The following KLF8 variants were observed in gnomAD, a reference collection of about 807,000 sequenced individuals.
The protein encoded by KLF8 is KLF transcription factor 8.
KLF8 carries 10 observed loss-of-function variants against 18.2 expected under a neutral mutation model. That is an observed-to-expected ratio of 0.55 (90% CI 0.34 to 0.93). The LOEUF is 0.93. Ranked by LOEUF, KLF8 falls within the 40% of genes least tolerant of loss-of-function variation. KLF8 has a pLI of 0.02. For synonymous variants in KLF8, 109 were observed against 97.3 expected (o/e 1.12, Z -0.71); for missense variants, 264 against 277.9 (o/e 0.95, Z 0.36).
the KLF8 span, among the ~76,000 whole-genome samples, chrX:55,947,030 C>A: frequency 1.8e-5 from 2 of 111,653 alleles, no homozygotes; most frequent in African/African-American, 6.5e-5. Flanking sequence ...GACTTTTACA[C>A]TGTTGGTGGG....
chrX:56,189,264 GA>G, the KLF8 span, among the ~76,000 whole-genome samples: 1 of 112,076 alleles, frequency 8.9e-6, no homozygotes, highest in African/African-American at 3.2e-5. Flanking sequence ...AAAAACACAT[GA>G]AAAAATGCTC....
chrX:56,135,757 G>T, the KLF8 span, among the ~76,000 whole-genome samples: 1 of 111,596 alleles, frequency 9.0e-6, no homozygotes, highest in Non-Finnish European at 1.9e-5. Flanking sequence ...TCAGCAACCT[G>T]CTACTGAATG....
chrX:56,081,294 T>C, the KLF8 span, among the ~76,000 whole-genome samples: 2 of 111,807 alleles, frequency 1.8e-5, no homozygotes, highest in African/African-American at 6.5e-5. Flanking sequence ...CTTTTGGTCT[T>C]TGATGATGGT....
chrX:56,072,204 A>G, the KLF8 span, among the ~76,000 whole-genome samples: 1 of 112,083 alleles, frequency 8.9e-6, no homozygotes, highest in East Asian at 2.8e-4. Context: ...TACCAGAGAA[A>G]TGTACCTCCT....
chrX:56,191,979 A>C, the KLF8 span, among the ~76,000 whole-genome samples: 1 of 111,533 alleles, frequency 9.0e-6, no homozygotes, highest in Non-Finnish European at 1.9e-5. Context: ...TAACTAAAGC[A>C]ATCAGACAAG....
chrX:56,138,542 C>T, the KLF8 span, among the ~76,000 whole-genome samples: 1 of 111,087 alleles, frequency 9.0e-6, no homozygotes, highest in Non-Finnish European at 1.9e-5. Flanking sequence ...TGATTCATCA[C>T]ATCAATGGAA....
At chrX:56,041,336 C>G in the KLF8 span, among the ~76,000 whole-genome samples, 1 of 111,096 alleles carries the variant, frequency 9.0e-6, no homozygotes, top group Non-Finnish European at 1.9e-5. Flanking sequence ...GTTGGCCAGC[C>G]TCGTCTTGAA....
At chrX:56,251,804 T>C (rs1681255191) in intron 2 of KLF8, among the ~76,000 whole-genome samples, 1 of 111,219 alleles carries the variant, frequency 9.0e-6, no homozygotes, top group African/African-American at 3.3e-5. Flanking sequence ...TATATATTTA[T>C]GGGATACATT....
At chrX:55,962,407 C>A in the KLF8 span, 1 of 234,846 alleles carries the variant, frequency 4.3e-6, no homozygotes, top group South Asian at 5.7e-5. Flanking sequence ...TAGAAGATGG[C>A]CACATCTCTG....
the KLF8 span, among the ~76,000 whole-genome samples, chrX:55,937,111 G>T: frequency 2.5e-4 from 28 of 111,353 alleles, no homozygotes; most frequent in African/African-American, 8.2e-4. Context: ...TAGCCTAACT[G>T]GGAGGCACCC....
At chrX:56,265,791 C>T in intron 3 of KLF8, 47 bp downstream of exon 3, 1 of 1,150,912 alleles carries the variant, frequency 8.7e-7, no homozygotes, top group Non-Finnish European at 1.2e-6. Context: ...AATCTATTCC[C>T]TTTTAGAGTC....
the KLF8 span, among the ~76,000 whole-genome samples, chrX:56,077,329 G>A: frequency 8.9e-6 from 1 of 111,989 alleles, no homozygotes; most frequent in Non-Finnish European, 1.9e-5. Context: ...CAAGGTGTAA[G>A]GAAGGGATCC....
the KLF8 span, among the ~76,000 whole-genome samples, chrX:56,129,532 T>C: frequency 2.7e-5 from 3 of 110,872 alleles, no homozygotes; most frequent in Admixed American, 9.6e-5. Context: ...GCCATCTGGG[T>C]CCCTGGGGAA....
the KLF8 span, among the ~76,000 whole-genome samples, chrX:56,004,588 G>A: frequency 8.9e-6 from 1 of 111,803 alleles, no homozygotes; most frequent in Non-Finnish European, 1.9e-5. Flanking sequence ...GAAGGAAACA[G>A]CCAGCTCACA....
the KLF8 span, chrX:55,962,554 G>T: frequency 1.4e-4 from 21 of 149,980 alleles, no homozygotes; most frequent in Non-Finnish European, 2.1e-4. Context: ...TCACAAAGAG[G>T]ATGACAGAAG....
At chrX:56,074,740 C>CT in the KLF8 span, 2 of 154,059 alleles carry the variant, frequency 1.3e-5, no homozygotes, top group Non-Finnish European at 2.5e-5. Flanking sequence ...CAACTTTGTT[C>CT]TTTTTCATGA....
chrX:55,934,450 G>C, the KLF8 span, among the ~76,000 whole-genome samples: 7 of 112,057 alleles, frequency 6.2e-5, no homozygotes, highest in African/African-American at 2.3e-4. Flanking sequence ...GTCAGAAGCA[G>C]AATGTCCAAG....
the KLF8 span, among the ~76,000 whole-genome samples, chrX:56,153,666 T>C: frequency 2.8e-3 from 308 of 111,264 alleles, 1 homozygote; most frequent in Non-Finnish European, 4.3e-3. Context: ...GACATGATTG[T>C]ATATCTAGAA....
intron 2 of KLF8, among the ~76,000 whole-genome samples, chrX:56,260,070 T>C (rs1044310943): frequency 5.4e-5 from 6 of 111,144 alleles, no homozygotes; most frequent in African/African-American, 2.0e-4. Flanking sequence ...CTTTGGCTTG[T>C]AGCCCCATCA....
Sources: allele counts gnomAD v4.1 joint callset (sites outside exome capture counted in the v4.1 genomes callset), GRCh38; gene constraint gnomAD v4.1.1; transcripts MANE v1.5; gene names NCBI Gene and HGNC (gene_info 2026-07-23, HGNC 2026-07-21).